Variants in EPG5 observed in about 807,000 individuals in gnomAD.
EPG5 encodes ectopic P-granules 5 autophagy tethering factor.
Under a neutral mutation model 302.7 loss-of-function variants are expected in EPG5, and 159 were observed. That is an observed-to-expected ratio of 0.53 (90% CI 0.46 to 0.60). The LOEUF is 0.60. Among genes scored for constraint, EPG5 ranks in the 20% least tolerant of loss-of-function variants. The pLI is 0.00. For synonymous variants in EPG5, 1,158 were observed against 1,136.8 expected, an observed-to-expected ratio of 1.02 and a Z score of -0.37; for missense variants, 2,896 against 3,092.4, an observed-to-expected ratio of 0.94 and a Z score of 1.51.
In EPG5 at chr18:45,967,197, C is replaced by T. The variant is rs773993932; in HGVS notation, c.43G>A (p.Ala15Thr). Residue 15 changes from alanine to threonine, a missense_variant, in exon 1 of 44, where the codon GCC becomes ACC. This residue lies in a region of EPG5 where 1,390 missense variants were observed against 1,430.0 expected (regional missense o/e 0.97). Coordinates refer to ENST00000282041, the MANE Select transcript of EPG5 (RefSeq NM_020964.3). ...VKPQRRAKAKASRTKTKEKKK... is the reference protein window; with the variant it reads ...VKPQRRAKAKTSRTKTKEKKK... ...CTCACCTTTGTTTTAGTCCGGCTGG[C>T]CTTGGCCTTGGCCCGGCGCTGGGGC... is the stretch of plus-strand genomic sequence containing the variant. 2.5e-6 allele frequency: 4 copies of T among 1,603,804 alleles called. No homozygotes were observed. Among genetic ancestry groups the T allele is most frequent in the Non-Finnish European group, 3.4e-6 (4 of 1,174,892 alleles).
rs78532681 is a variant in EPG5, at chr18:45,889,482, G to A, written c.4952+316C>T. Among the ~76,000 whole-genome samples, 608 of 152,116 alleles carry A rather than the reference G, an allele frequency of 4.0e-3. 2 individuals are homozygous for A. The highest frequency in any genetic ancestry group is 0.014 in the African/African-American group (586 of 41,508). On this transcript the variant is annotated intron_variant, in intron 28 of 43. Coordinates refer to ENST00000282041, the MANE Select transcript of EPG5 (RefSeq NM_020964.3). The stretch of plus-strand genomic sequence containing the variant: ...GCACTATATCATCTCACAATTCAGG[G>A]GTCAGCAAACTTTTTCTATATAGGG...
chr18:45,954,109 C>T (rs1377377248), intron 2 of EPG5: 1 of 203,214 alleles, frequency 4.9e-6, no homozygotes, highest in Admixed American at 6.5e-5. Context: ...TGTGGCAATG[C>T]TGAACCATCA....
chr18:45,914,706 T>C (rs1016711332), intron 20 of EPG5, among the ~76,000 whole-genome samples: 29 of 152,182 alleles, frequency 1.9e-4, no homozygotes, highest in African/African-American at 6.0e-4. Flanking sequence ...ACCCAGACTG[T>C]CTGGTTCCAG....
At chr18:45,899,000 C>T (rs2049542207) in intron 27 of EPG5, among the ~76,000 whole-genome samples, 1 of 152,150 alleles carries the variant, frequency 6.6e-6, no homozygotes, top group African/African-American at 2.4e-5. Context: ...TGGCAGGTGC[C>T]TGTAATCCCA....
the EPG5 span, chr18:45,838,756 C>G: frequency 3.2e-6 from 5 of 1,581,938 alleles, no homozygotes; most frequent in African/African-American, 1.4e-5. Flanking sequence ...GCTGCCCAGT[C>G]CGGCTCACGC....
chr18:45,889,905 T>C lies in EPG5; in HGVS notation c.4845A>G (p.Gln1615=), dbSNP rs771092981. ...CTTCCTTCCGTAAAACATGAAGCTG[T>C]TGGCTTATGGCTTCATTCTTATGCA... ...EGMHKNEAIS[Q]QLHVLRKEVK... The change falls in exon 28 of 44, where the codon CAA becomes CAG. Residue 1615 remains glutamine (Q), a synonymous_variant. Transcript: ENST00000282041. The C allele has an allele frequency of 3.1e-6, 5 of 1,606,930 alleles. No individual in the cohort carries two copies. In the East Asian group the frequency reaches 1.1e-4, roughly 36 times the overall value.
Position 45,859,447 on chromosome 18 carries a change from C to T in EPG5, c.7009+657G>A, listed in dbSNP as rs368707905. ...GTTGTGGGCACTTCCTGGATCCTTG[C>T]TCCGATACCCTCCTTCTCACTACTG... is the stretch of plus-strand genomic sequence containing the variant. On this transcript the variant is annotated intron_variant, in intron 40 of 43. Coordinates refer to ENST00000282041, the MANE Select transcript of EPG5 (RefSeq NM_020964.3). Among the ~76,000 whole-genome samples, 53 of 152,308 alleles carry T rather than the reference C, an allele frequency of 3.5e-4. 1 individual carries two copies. In the East Asian group the frequency reaches 6.4e-3, roughly 18 times the overall value.
chr18:45,854,200 T>C (rs955391150), intron 43 of EPG5, among the ~76,000 whole-genome samples: 4 of 152,152 alleles, frequency 2.6e-5, no homozygotes, highest in Non-Finnish European at 4.4e-5. Context: ...TGTAAGACAA[T>C]AGGGGATTCA....
chr18:45,848,101 G>A lies in EPG5; in HGVS notation c.*4366C>T, dbSNP rs947026077. On this transcript the variant is annotated 3_prime_UTR_variant, in exon 44 of 44. Transcript: ENST00000282041. ...ATGCCCGAGGCATGCTGTGGAAACC[G>A]GACCAAAATGAAGTCTGCGTTAGTA... 3 of 151,882 alleles carry A rather than the reference G, an allele frequency of 2.0e-5. No individual in the cohort carries two copies. The highest frequency in any genetic ancestry group is 1.9e-4 in the East Asian group (1 of 5,188). The allele number at this position is 151,882 out of a possible 1,614,324, so 9.4% of individuals were successfully genotyped here.
chr18:45,943,778 G>A (rs1199038586), intron 8 of EPG5, among the ~76,000 whole-genome samples: 14 of 152,044 alleles, frequency 9.2e-5, no homozygotes, highest in South Asian at 4.1e-4. Context: ...AAAATTAGCC[G>A]GGCGTGGTGG....
chr18:45,880,941 G>A (rs1332253712), intron 31 of EPG5, among the ~76,000 whole-genome samples: 1 of 152,164 alleles, frequency 6.6e-6, no homozygotes, highest in Admixed American at 6.5e-5. Context: ...ATGGCCACTG[G>A]GGTCTGGATC....
chr18:45,951,844 A>T (rs568442954), intron 3 of EPG5, among the ~76,000 whole-genome samples: 1 of 152,208 alleles, frequency 6.6e-6, no homozygotes, highest in East Asian at 1.9e-4. Context: ...GGGGAGGGGG[A>T]ATTTTACTTT....
intron 8 of EPG5, 42 bp downstream of exon 8, chr18:45,943,963 C>T (rs780002005): frequency 1.6e-6 from 2 of 1,273,572 alleles, no homozygotes; most frequent in South Asian, 1.2e-5. Context: ...TGTGTTTACA[C>T]TTGCCACTAC....
chr18:45,828,843 C>T, the EPG5 span, among the ~76,000 whole-genome samples: 1 of 152,196 alleles, frequency 6.6e-6, no homozygotes, highest in African/African-American at 2.4e-5. Flanking sequence ...CAAATAGCAG[C>T]GGTCACCCAA....
chr18:45,910,652 C>G lies in EPG5; in HGVS notation c.4074G>C (p.Glu1358Asp). 1 of 1,614,168 alleles carries G rather than the reference C, an allele frequency of 6.2e-7. No individual in the cohort carries two copies. Among genetic ancestry groups the G allele is most frequent in the Non-Finnish European group, 8.5e-7 (1 of 1,180,026 alleles). The change falls in exon 23 of 44, where the codon GAG (glutamate) becomes GAC (aspartate). Residue 1358 changes from glutamate to aspartate, a missense_variant. Glu to Asp is a conservative substitution (Grantham distance 45). Around this residue, in one of 5 missense-constraint regions of EPG5, gnomAD observed 790 missense variants for 798.0 expected, o/e 0.99. Coordinates refer to ENST00000282041, the MANE Select transcript of EPG5 (RefSeq NM_020964.3). Reference protein sequence around the residue: ...LLKEMKRRLTEVADFHHAASK... With the variant: ...LLKEMKRRLTDVADFHHAASK... ...TTGCAGCATGGTGGAAGTCAGCCAC[C>G]TCGGTCAAACGTCTCTTCATTTCTT...
chr18:45,927,240 C>A (rs985141318), intron 13 of EPG5, among the ~76,000 whole-genome samples: 5 of 151,954 alleles, frequency 3.3e-5, no homozygotes, highest in African/African-American at 9.7e-5. Flanking sequence ...GGGATTTCAC[C>A]GTGTTAGCCA....
downstream of EPG5, among the ~76,000 whole-genome samples, chr18:45,846,866 G>T (rs1046090919): frequency 2.0e-5 from 3 of 152,210 alleles, no homozygotes; most frequent in Non-Finnish European, 4.4e-5. Flanking sequence ...GAAAGACCAA[G>T]AGAGAAAAGG....
the EPG5 span, among the ~76,000 whole-genome samples, chr18:45,839,498 A>T: frequency 9.9e-5 from 15 of 152,188 alleles, no homozygotes; most frequent in East Asian, 2.3e-3. Flanking sequence ...TACACTGATG[A>T]ATATGGCATG....
At chr18:45,947,070 C>A (rs1463383549) in intron 6 of EPG5, among the ~76,000 whole-genome samples, 1 of 152,194 alleles carries the variant, frequency 6.6e-6, no homozygotes, top group Non-Finnish European at 1.5e-5. Flanking sequence ...ACCAGGCTCA[C>A]AAAGTCTTGC....
Sources: allele counts gnomAD v4.1 joint callset (sites outside exome capture counted in the v4.1 genomes callset), GRCh38; gene constraint gnomAD v4.1.1; regional missense constraint gnomAD v4.1.1; transcripts MANE v1.5; gene names NCBI Gene and HGNC (gene_info 2026-07-23, HGNC 2026-07-21).